RBFOX1: variants seen among roughly 807,000 people sequenced by gnomAD.
RBFOX1 encodes the protein RNA binding fox-1 homolog 1, also known as RNA binding protein fox-1 homolog 1.
In RBFOX1, 8 loss-of-function variants were observed where a neutral mutation model predicts 57.7. That is an observed-to-expected ratio of 0.14 (90% CI 0.08 to 0.25). The LOEUF is 0.25. Among genes scored for constraint, RBFOX1 ranks in the 10% least tolerant of loss-of-function variants. RBFOX1 has a pLI of 1.00. For synonymous variants in RBFOX1, 326 were observed against 222.4 expected (o/e 1.47, Z -4.15); for missense variants, 611 against 548.5 (o/e 1.11, Z -1.14).
chr16:7,067,402 T>C (rs575351373), intron 4 of RBFOX1, among the ~76,000 whole-genome samples: 2 of 151,980 alleles, frequency 1.3e-5, no homozygotes, highest in Admixed American at 6.6e-5. Flanking sequence ...AAAACTGAAA[T>C]GTCGCCAAGG....
chr16:7,009,248 C>T (rs1427447922), intron 3 of RBFOX1, among the ~76,000 whole-genome samples: 1 of 116,894 alleles, frequency 8.6e-6, no homozygotes, highest in African/African-American at 4.2e-5. Context: ...TGTCTACTTC[C>T]TCTCCTTCCT....
intron 3 of RBFOX1, among the ~76,000 whole-genome samples, chr16:6,876,193 C>G (rs2061816090): frequency 6.6e-6 from 1 of 151,742 alleles, no homozygotes; most frequent in African/African-American, 2.4e-5. Context: ...TCAAAAAAAA[C>G]AAAGCAAAGC....
At chr16:5,680,811 C>T (rs1434979801) in intron 3 of RBFOX1, among the ~76,000 whole-genome samples, 2 of 152,114 alleles carry the variant, frequency 1.3e-5, no homozygotes, top group Non-Finnish European at 2.9e-5. Flanking sequence ...CTGAGAACCT[C>T]TATGTCCCAG....
At chr16:5,852,782 A>G (rs1203127006) in intron 3 of RBFOX1, among the ~76,000 whole-genome samples, 1 of 151,948 alleles carries the variant, frequency 6.6e-6, no homozygotes, top group Admixed American at 6.6e-5. Flanking sequence ...GTGAGTTATG[A>G]TTGTACCACT....
intron 13 of RBFOX1, among the ~76,000 whole-genome samples, chr16:7,668,240 T>C (rs1394029793): frequency 1.3e-5 from 2 of 152,224 alleles, no homozygotes; most frequent in African/African-American, 2.4e-5. Flanking sequence ...GGGCATTTTT[T>C]AGTTCTGCCA....
At chr16:7,141,971 C>G (rs910742788) in intron 4 of RBFOX1, among the ~76,000 whole-genome samples, 2 of 151,170 alleles carry the variant, frequency 1.3e-5, no homozygotes, top group African/African-American at 2.4e-5. Context: ...TATTTTCCTT[C>G]TCCTTCTTCT....
At chr16:6,502,837 C>T (rs971775562) in intron 2 of RBFOX1, among the ~76,000 whole-genome samples, 3 of 152,158 alleles carry the variant, frequency 2.0e-5, no homozygotes, top group African/African-American at 7.2e-5. Flanking sequence ...CTCGCTGGTT[C>T]TGGATTGAAT....
chr16:5,470,643 C>G (rs150694912), intron 2 of RBFOX1, among the ~76,000 whole-genome samples: 81 of 152,186 alleles, frequency 5.3e-4, no homozygotes, highest in African/African-American at 1.8e-3. Flanking sequence ...GCAACTGGGT[C>G]TCATCATCTC....
chr16:6,589,680 C>T (rs2097683392), intron 2 of RBFOX1, among the ~76,000 whole-genome samples: 1 of 152,140 alleles, frequency 6.6e-6, no homozygotes, highest in Non-Finnish European at 1.5e-5. Context: ...ATTTGTTAGT[C>T]CTGCAAAGGC....
chr16:7,447,959 C>G (rs1471161317), intron 4 of RBFOX1, among the ~76,000 whole-genome samples: 1 of 152,202 alleles, frequency 6.6e-6, no homozygotes, highest in East Asian at 1.9e-4. Context: ...TTCCAAAGTA[C>G]TGAATCAGGA....
intron 3 of RBFOX1, among the ~76,000 whole-genome samples, chr16:6,933,381 C>A (rs1039922111): frequency 6.6e-6 from 1 of 152,142 alleles, no homozygotes; most frequent in Admixed American, 6.6e-5. Flanking sequence ...CCAATCTGTC[C>A]ACATCATTGC....
intron 4 of RBFOX1, among the ~76,000 whole-genome samples, chr16:7,153,532 C>T (rs887632717): frequency 2.6e-5 from 4 of 151,232 alleles, no homozygotes; most frequent in Admixed American, 6.6e-5. Flanking sequence ...GTCAAGAGAT[C>T]GAGACCATCC....
intron 4 of RBFOX1, among the ~76,000 whole-genome samples, chr16:7,391,867 C>G (rs189098910): frequency 1.1e-3 from 171 of 152,276 alleles, no homozygotes; most frequent in African/African-American, 3.8e-3. Context: ...GACACTGATT[C>G]TTTTACGTAG....
intron 2 of RBFOX1, among the ~76,000 whole-genome samples, chr16:6,418,429 G>A (rs991374932): frequency 1.3e-5 from 2 of 151,962 alleles, no homozygotes; most frequent in East Asian, 1.9e-4. Context: ...AAAGTAGGGT[G>A]AGAAATGGGG....
chr16:6,183,259 T>A (rs955867503), intron 1 of RBFOX1, among the ~76,000 whole-genome samples: 1 of 151,888 alleles, frequency 6.6e-6, no homozygotes, highest in East Asian at 1.9e-4. Context: ...GGCGGGCAGA[T>A]CAGGAGGTCA....
intron 4 of RBFOX1, among the ~76,000 whole-genome samples, chr16:5,887,082 G>C (rs2057917488): frequency 6.6e-6 from 1 of 152,128 alleles, no homozygotes; most frequent in East Asian, 1.9e-4. Flanking sequence ...TTCTCCCCAG[G>C]TTGTGACAAC....
At chr16:7,041,082 A>AT (rs61569211) in intron 3 of RBFOX1, among the ~76,000 whole-genome samples, 14,146 of 108,814 alleles carry the variant, frequency 0.13, 899 homozygotes, top group Non-Finnish European at 0.16. Flanking sequence ...CGCCCAGCTA[A>AT]TTTTTTTTTT....
chr16:6,222,452 A>C (rs1013631075), intron 1 of RBFOX1, among the ~76,000 whole-genome samples: 1 of 151,834 alleles, frequency 6.6e-6, no homozygotes, highest in Admixed American at 6.6e-5. Flanking sequence ...AGAAGTGATA[A>C]CTGGAGCTGT....
chr16:7,431,038 C>G (rs1208592569), intron 4 of RBFOX1, among the ~76,000 whole-genome samples: 1 of 152,110 alleles, frequency 6.6e-6, no homozygotes, highest in East Asian at 1.9e-4. Flanking sequence ...CTAAGCCCAC[C>G]CTGGTCCTCT....
Sources: gnomAD v4.1 joint callset for allele counts (sites outside exome capture counted in the v4.1 genomes callset) on GRCh38, gnomAD v4.1.1 for gene constraint, MANE v1.5 for transcripts, NCBI Gene and HGNC (gene_info 2026-07-23, HGNC 2026-07-21) for gene names.